The following MALRD1 variants were observed in gnomAD, a reference collection of about 807,000 sequenced individuals.
MALRD1 encodes MAM and LDL receptor class A domain containing 1.
A neutral mutation model predicts 242.1 loss-of-function variants in MALRD1; 247 were observed. The observed-to-expected ratio is 1.02, with a 90% CI of 0.92 to 1.13. The LOEUF (loss-of-function observed/expected upper bound fraction) is 1.13. MALRD1 is among the 50% of genes most tolerant of loss of function. The pLI is 0.00. For synonymous variants in MALRD1, 995 were observed against 866.6 expected, an observed-to-expected ratio of 1.15 and a Z score of -2.60; for missense variants, 2,989 against 2,533.1, an observed-to-expected ratio of 1.18 and a Z score of -3.86.
chr10:19,479,408 A>G (rs1434409606), intron 29 of MALRD1, among the ~76,000 whole-genome samples: 1 of 152,188 alleles, frequency 6.6e-6, no homozygotes, highest in Non-Finnish European at 1.5e-5. Context: ...TTTGAGTCGG[A>G]TGAGAGAACG....
chr10:19,125,642 C>T (rs1384299041), intron 7 of MALRD1, among the ~76,000 whole-genome samples: 1 of 148,466 alleles, frequency 6.7e-6, no homozygotes, highest in Admixed American at 6.8e-5. Flanking sequence ...TATGACTATT[C>T]TTAATTTTTA....
chr10:19,271,847 A>C (rs1330432992), intron 19 of MALRD1, among the ~76,000 whole-genome samples: 1 of 152,224 alleles, frequency 6.6e-6, no homozygotes, highest in African/African-American at 2.4e-5. Flanking sequence ...GTACTTGCAA[A>C]TGAAAAAAAT....
At chr10:19,431,033 T>C (rs1834107532) in intron 28 of MALRD1, among the ~76,000 whole-genome samples, 1 of 152,212 alleles carries the variant, frequency 6.6e-6, no homozygotes, top group African/African-American at 2.4e-5. Flanking sequence ...CTGGTGTACA[T>C]GTGCAGGATG....
chr10:19,639,399 A>G (rs1337910988), intron 36 of MALRD1, among the ~76,000 whole-genome samples: 2 of 152,206 alleles, frequency 1.3e-5, no homozygotes, highest in African/African-American at 4.8e-5. Context: ...AATCCTATAA[A>G]ATAATTCTCT....
chr10:19,097,874 G>A (rs982906021), intron 4 of MALRD1, among the ~76,000 whole-genome samples: 1 of 152,142 alleles, frequency 6.6e-6, no homozygotes, highest in African/African-American at 2.4e-5. Flanking sequence ...TATCACAAAA[G>A]ATTGTAGCAG....
At chr10:19,305,793 T>C (rs1305263150) in intron 21 of MALRD1, among the ~76,000 whole-genome samples, 2 of 141,730 alleles carry the variant, frequency 1.4e-5, no homozygotes, top group African/African-American at 2.6e-5. Context: ...ATTATATATA[T>C]ACCATATATA....
At chr10:19,533,071 C>A (rs980563562) in intron 32 of MALRD1, among the ~76,000 whole-genome samples, 2 of 152,144 alleles carry the variant, frequency 1.3e-5, no homozygotes, top group African/African-American at 4.8e-5. Context: ...GGCCACCAGA[C>A]CTTTCCATAT....
rs1289962933 is a variant in MALRD1, at chr10:19,323,982, C to T, written c.3453C>T (p.Asp1151=). Residue 1151 remains aspartate, a synonymous_variant, in exon 22 of 40, where the codon GAC becomes GAT. Coordinates refer to ENST00000454679, the MANE Select transcript of MALRD1 (RefSeq NM_001142308.3). ...CTGATGGCTGGTACCTGTATGCTGA[C>T]AGTTCTAATGGGAAATTTGGTGACA... ...NTTDGWYLYA[D]SSNGKFGDTA... The T allele has an allele frequency of 1.3e-6, 2 of 1,550,768 alleles. No homozygotes were observed. Among genetic ancestry groups the T allele is most frequent in the East Asian group, 2.4e-5 (1 of 40,902 alleles).
intron 32 of MALRD1, among the ~76,000 whole-genome samples, chr10:19,542,846 G>A (rs1835034256): frequency 6.6e-6 from 1 of 152,042 alleles, no homozygotes; most frequent in African/African-American, 2.4e-5. Flanking sequence ...TTGTCTTTTT[G>A]TTTTACCTGT....
intron 34 of MALRD1, among the ~76,000 whole-genome samples, chr10:19,604,364 G>A (rs1284366120): frequency 6.6e-6 from 1 of 152,166 alleles, no homozygotes; most frequent in Non-Finnish European, 1.5e-5. Flanking sequence ...TCAAAATGGT[G>A]CAATGGGTTC....
In MALRD1 at chr10:19,111,050, A is replaced by G. The variant is rs527420083; in HGVS notation, c.694+6975A>G. ...TAATAAGATTTTGCTATCATTTTAG[A>G]TATAAATTTCTCTCTATCTTTGTCT... is the stretch of plus-strand genomic sequence containing the variant. On this transcript the variant is annotated intron_variant, in intron 5 of 39. Transcript: ENST00000454679. Among the ~76,000 whole-genome samples, 4 of 152,276 alleles carry G rather than the reference A, an allele frequency of 2.6e-5. No individual in the cohort carries two copies. The South Asian group carries it at 8.3e-4, about 32-fold the overall frequency.
chr10:19,561,406 C>T (rs1267218086), intron 32 of MALRD1, among the ~76,000 whole-genome samples: 1 of 152,190 alleles, frequency 6.6e-6, no homozygotes, highest in East Asian at 1.9e-4. Flanking sequence ...CTGCCAATTA[C>T]TGAGAGAGGA....
intron 28 of MALRD1, among the ~76,000 whole-genome samples, chr10:19,445,075 C>G (rs1011319612): frequency 6.6e-6 from 1 of 152,114 alleles, no homozygotes; most frequent in South Asian, 2.1e-4. Context: ...GTCACTGATA[C>G]CCTTTCTTCC....
chr10:19,143,653 T>C (rs1460169937), intron 10 of MALRD1, among the ~76,000 whole-genome samples: 1 of 152,156 alleles, frequency 6.6e-6, no homozygotes, highest in African/African-American at 2.4e-5. Context: ...TCCAGGGAAG[T>C]GTGTTCTAGG....
At chr10:19,133,377 G>A (rs1357322071) in intron 8 of MALRD1, among the ~76,000 whole-genome samples, 2 of 152,094 alleles carry the variant, frequency 1.3e-5, no homozygotes, top group African/African-American at 4.8e-5. Flanking sequence ...TGGACCAAAT[G>A]TTTCCACAGG....
intron 25 of MALRD1, among the ~76,000 whole-genome samples, chr10:19,349,015 G>A (rs1164830977): frequency 2.0e-5 from 3 of 152,094 alleles, no homozygotes; most frequent in African/African-American, 7.2e-5. Flanking sequence ...AGGCTGGAGT[G>A]CAGTGGCGTG....
Position 19,677,696 on chromosome 10 carries a change from C to T in MALRD1, c.6138-14586C>T, listed in dbSNP as rs1842192848. Among the ~76,000 whole-genome samples the T allele has an allele frequency of 3.3e-5, 5 of 152,162 alleles. No individual in the cohort carries two copies. The South Asian group carries it at 1.0e-3, about 32-fold the overall frequency. On this transcript the variant is annotated intron_variant, in intron 36 of 39. Transcript: ENST00000454679. ...ATTAGATCCCATTTGTCAATGTTTG[C>T]TTTTGTGGCAACTGCTGTTGACATT... is the stretch of plus-strand genomic sequence containing the variant.
At chr10:19,298,185 G>A (rs959963705) in intron 21 of MALRD1, among the ~76,000 whole-genome samples, 1 of 151,978 alleles carries the variant, frequency 6.6e-6, no homozygotes, top group African/African-American at 2.4e-5. Flanking sequence ...GGGCACATGG[G>A]AAGAAGGACC....
At chr10:19,364,029 G>A (rs1219135111) in intron 26 of MALRD1, among the ~76,000 whole-genome samples, 1 of 152,088 alleles carries the variant, frequency 6.6e-6, no homozygotes, top group Admixed American at 6.6e-5. Flanking sequence ...CCTAGGGCAT[G>A]ATGGAAAGGA....
Sources: gnomAD v4.1 joint callset for allele counts (sites outside exome capture counted in the v4.1 genomes callset) on GRCh38, gnomAD v4.1.1 for gene constraint, MANE v1.5 for transcripts, NCBI Gene and HGNC (gene_info 2026-07-23, HGNC 2026-07-21) for gene names.